Variants in COG5 observed in about 807,000 individuals in gnomAD.
COG5 encodes component of oligomeric golgi complex 5, also known as conserved oligomeric Golgi complex subunit 5.
Under a neutral mutation model 110.4 loss-of-function variants are expected in COG5, and 86 were observed. That is an observed-to-expected ratio of 0.78 (90% CI 0.65 to 0.93). The LOEUF (loss-of-function observed/expected upper bound fraction) is 0.93, where lower values mean the gene tolerates loss of function less well. Ranked by LOEUF, COG5 falls within the 40% of genes least tolerant of loss-of-function variation. The pLI is 0.00. For synonymous variants in COG5, 360 were observed against 334.6 expected, an observed-to-expected ratio of 1.08 and a Z score of -0.83; for missense variants, 1,077 against 987.0, an observed-to-expected ratio of 1.09 and a Z score of -1.22.
chr7:107,499,369 T>C (rs1268794283), intron 6 of COG5, among the ~76,000 whole-genome samples: 1 of 151,844 alleles, frequency 6.6e-6, no homozygotes, highest in Non-Finnish European at 1.5e-5. Flanking sequence ...CCTATTAACC[T>C]ATCCAGAAAA....
intron 10 of COG5, among the ~76,000 whole-genome samples, chr7:107,351,503 A>T (rs925536540): frequency 6.6e-6 from 1 of 152,166 alleles, no homozygotes; most frequent in Non-Finnish European, 1.5e-5. Context: ...AAAAGAAACT[A>T]CCATCAGAGT....
intron 10 of COG5, 86 bp from the exon 11 acceptor site, chr7:107,324,607 A>C (rs540496926): frequency 1.3e-4 from 91 of 680,928 alleles, no homozygotes; most frequent in Middle Eastern, 3.5e-4. Flanking sequence ...AACCTTGAAA[A>C]GTTATTTAAA....
In COG5 at chr7:107,507,297, C is replaced by CT. The variant is rs10713224; in HGVS notation, c.538+19939dup. On this transcript the variant is annotated intron_variant, in intron 6 of 21. Transcript: ENST00000297135. ...TTGAAATAAAACTTCCTTTTCTTTT[C>CT]TTTTTTTTTTTTTTTTGAGATGGAG... Among the ~76,000 whole-genome samples, 252 of 131,594 alleles carry CT rather than the reference C, an allele frequency of 1.9e-3. 1 individual carries two copies. The highest frequency in any genetic ancestry group is 3.6e-3 in the South Asian group (15 of 4,182). The allele number at this position is 131,594 out of a possible 152,430, so 86.3% of individuals were successfully genotyped here.
intron 5 of COG5, among the ~76,000 whole-genome samples, chr7:107,538,076 T>C (rs992212155): frequency 3.9e-5 from 6 of 152,174 alleles, no homozygotes; most frequent in Non-Finnish European, 7.3e-5. Context: ...AACAGGTGAA[T>C]GCCAGCAGCT....
chr7:107,258,161 A>T, intron 15 of COG5, 112 bp downstream of exon 15: 1 of 686,164 alleles, frequency 1.5e-6, no homozygotes, highest in Non-Finnish European at 2.6e-6. Flanking sequence ...TATAATCATC[A>T]CATTTTCATT....
chr7:107,554,440 G>C (rs1803150703), intron 2 of COG5, 98 bp from the exon 3 acceptor site: 3 of 1,076,992 alleles, frequency 2.8e-6, no homozygotes, highest in South Asian at 1.3e-5. Context: ...GTAGAAACGA[G>C]GCAAATACAA....
chr7:107,449,356 G>C (rs1487277742), intron 6 of COG5, among the ~76,000 whole-genome samples: 2 of 151,938 alleles, frequency 1.3e-5, no homozygotes, highest in Admixed American at 1.3e-4. Context: ...TAAAGTAAAA[G>C]AAAAAAGAAA....
chr7:107,535,139 A>G (rs1801486499), intron 5 of COG5, among the ~76,000 whole-genome samples: 2 of 151,642 alleles, frequency 1.3e-5, no homozygotes, highest in Non-Finnish European at 1.5e-5. Context: ...AAGACACAAC[A>G]TACCAGAATC....
chr7:107,285,256 T>C (rs1436915476), intron 12 of COG5, among the ~76,000 whole-genome samples: 1 of 152,176 alleles, frequency 6.6e-6, no homozygotes, highest in Non-Finnish European at 1.5e-5. Flanking sequence ...AAGAACTTAG[T>C]ATCTAAATGT....
chr7:107,321,313 A>G (rs1426025479), intron 11 of COG5, among the ~76,000 whole-genome samples: 1 of 152,200 alleles, frequency 6.6e-6, no homozygotes, highest in African/African-American at 2.4e-5. Flanking sequence ...AAAAAATGTA[A>G]AAGTCCTAAA....
At chr7:107,536,714 T>C (rs1381750218) in intron 5 of COG5, among the ~76,000 whole-genome samples, 1 of 152,140 alleles carries the variant, frequency 6.6e-6, no homozygotes, top group Non-Finnish European at 1.5e-5. Flanking sequence ...TTCAATACTA[T>C]TCCCATCAAG....
At chr7:107,508,833 G>C (rs113682075) in intron 6 of COG5, among the ~76,000 whole-genome samples, 4,166 of 152,148 alleles carry the variant, frequency 0.027, 206 homozygotes, top group African/African-American at 0.092. Context: ...TGTAGCAGAG[G>C]GTCCTGTCTG....
chr7:107,561,963 G>A (rs936203105), intron 1 of COG5, among the ~76,000 whole-genome samples: 2 of 151,364 alleles, frequency 1.3e-5, no homozygotes, highest in Non-Finnish European at 2.9e-5. Flanking sequence ...GCAACAGCGC[G>A]AGACTCCGTC....
chr7:107,522,556 T>C (rs545586470), intron 6 of COG5, among the ~76,000 whole-genome samples: 49 of 152,006 alleles, frequency 3.2e-4, no homozygotes, highest in Admixed American at 1.4e-3. Flanking sequence ...GTAACAAACC[T>C]GCATGTTCTG....
chr7:107,322,167 C>T (rs1222174765), intron 11 of COG5, among the ~76,000 whole-genome samples: 1 of 152,182 alleles, frequency 6.6e-6, no homozygotes, highest in East Asian at 1.9e-4. Context: ...TATGTTGAAA[C>T]CTACTCACCA....
At chr7:107,537,984 G>C (rs1801713347) in intron 5 of COG5, among the ~76,000 whole-genome samples, 1 of 152,146 alleles carries the variant, frequency 6.6e-6, no homozygotes, top group South Asian at 2.1e-4. Flanking sequence ...TTAACAAAAA[G>C]CAGCTCCCAA....
At chr7:107,213,025 C>A (rs1310789490) in intron 19 of COG5, among the ~76,000 whole-genome samples, 1 of 152,134 alleles carries the variant, frequency 6.6e-6, no homozygotes, top group Non-Finnish European at 1.5e-5. Flanking sequence ...AACTGCAGGG[C>A]AAGATCCCCT....
Position 107,537,469 on chromosome 7 carries a change from C to T in COG5, c.418-10112G>A, listed in dbSNP as rs930687799. Among the ~76,000 whole-genome samples, 3 of 152,146 alleles carry T rather than the reference C, an allele frequency of 2.0e-5. No homozygotes were observed. The East Asian group carries it at 5.8e-4, about 29-fold the overall frequency. On this transcript the variant is annotated intron_variant, in intron 5 of 21. Coordinates refer to ENST00000297135, the MANE Select transcript of COG5 (RefSeq NM_006348.5). ...AAAGATGAAGCTGGAAACCATCATTCTCAGCAAACTAACACAGGAAGAGAA... is the reference window on the plus strand; with the variant it reads ...AAAGATGAAGCTGGAAACCATCATTTTCAGCAAACTAACACAGGAAGAGAA...
At chr7:107,555,324 G>T (rs1454225140) in intron 2 of COG5, among the ~76,000 whole-genome samples, 1 of 152,182 alleles carries the variant, frequency 6.6e-6, no homozygotes, top group Non-Finnish European at 1.5e-5. Flanking sequence ...ATTATTGTGT[G>T]CCTTTTATTC....
Sources: gnomAD v4.1 joint callset for allele counts (sites outside exome capture counted in the v4.1 genomes callset) on GRCh38, gnomAD v4.1.1 for gene constraint, MANE v1.5 for transcripts, NCBI Gene and HGNC (gene_info 2026-07-23, HGNC 2026-07-21) for gene names.